Variants in APOOL observed in about 807,000 individuals in gnomAD.
APOOL encodes MICOS complex subunit MIC27.
In APOOL, 12 loss-of-function variants were observed where a neutral mutation model predicts 23.1. The ratio of observed to expected loss-of-function variants is 0.52; its 90% CI spans 0.33 to 0.84. APOOL has a LOEUF of 0.84. Among genes scored for constraint, APOOL ranks in the 40% least tolerant of loss-of-function variants. APOOL has a pLI of 0.02. For synonymous variants in APOOL, 77 were observed against 69.9 expected (o/e 1.10, Z -0.51); for missense variants, 212 against 199.6 (o/e 1.06, Z -0.37).
chrX:85,068,922 A>G (rs1180913022), intron 6 of APOOL, among the ~76,000 whole-genome samples: 1 of 111,818 alleles, frequency 8.9e-6, no homozygotes, highest in Non-Finnish European at 1.9e-5. Context: ...CTGATTATGA[A>G]TAGGCAGATA....
intron 2 of APOOL, among the ~76,000 whole-genome samples, chrX:85,046,933 A>G (rs1377915932): frequency 1.8e-5 from 2 of 111,441 alleles, no homozygotes; most frequent in African/African-American, 3.3e-5. Context: ...TTCTAGATCA[A>G]CCTTCTGTAT....
chrX:85,079,152 C>T (rs1391792960), intron 8 of APOOL, among the ~76,000 whole-genome samples: 1 of 111,746 alleles, frequency 8.9e-6, no homozygotes, highest in Non-Finnish European at 1.9e-5. Flanking sequence ...TGAGAGAGGG[C>T]ACCCCTGTCT....
At chrX:85,007,091 G>A (rs1283714323) in intron 1 of APOOL, among the ~76,000 whole-genome samples, 3 of 111,812 alleles carry the variant, frequency 2.7e-5, no homozygotes, top group Non-Finnish European at 5.6e-5. Flanking sequence ...TGGGTGGAAG[G>A]TCATCTGCTG....
At chrX:85,067,853 A>AT (rs1455571972) in intron 6 of APOOL, among the ~76,000 whole-genome samples, 1 of 110,853 alleles carries the variant, frequency 9.0e-6, no homozygotes, top group African/African-American at 3.3e-5. Flanking sequence ...TGGGTTATGC[A>AT]TTTTTTCCCC....
rs1924581948 is a variant in APOOL, at chrX:85,093,202, G to C, written c.*5524G>C. On this transcript the variant is annotated 3_prime_UTR_variant, in exon 9 of 9. Coordinates refer to ENST00000373173, the MANE Select transcript of APOOL (RefSeq NM_198450.6). ...ATACATACCTGACTTAGCCTCTTCA[G>C]CATTTCAGCTCCAATACCTAGGCCT... 2.6e-6 allele frequency: 3 copies of C among 1,163,158 alleles called. No individual in the cohort carries two copies. Among genetic ancestry groups the C allele is most frequent in the African/African-American group, 1.8e-5 (1 of 55,752 alleles).
intron 5 of APOOL, among the ~76,000 whole-genome samples, chrX:85,064,293 A>G (rs561088147): frequency 1.1e-5 from 1 of 93,076 alleles, no homozygotes; most frequent in African/African-American, 4.0e-5. Context: ...CTAGCAGTCT[A>G]TTTTATTGTT....
intron 6 of APOOL, among the ~76,000 whole-genome samples, chrX:85,067,619 G>A (rs1346285790): frequency 1.2e-5 from 1 of 84,130 alleles, no homozygotes; most frequent in Non-Finnish European, 2.2e-5. Context: ...AGTGGTTTCT[G>A]AAGGTAAAAC....
At position 85,074,019 on chromosome X, in the gene APOOL, G is replaced by A; in HGVS notation, c.508G>A (p.Ala170Thr). 1 of 1,165,199 alleles carries A rather than the reference G, an allele frequency of 8.6e-7. No individual in the cohort carries two copies. Among genetic ancestry groups the A allele is most frequent in the Admixed American group, 2.6e-5 (1 of 38,114 alleles). Residue 170 changes from alanine to threonine, a missense_variant, in exon 7 of 9, where the codon GCT becomes ACT. Ala to Thr is a moderately conservative substitution (Grantham distance 58, BLOSUM62 0). Transcript: ENST00000373173. ...TTAGGTAACAGCAAAAAAGGTATAT[G>A]CTACAAGCCAGCAAATTTTTGGAGC... is the stretch of plus-strand genomic sequence containing the variant. ...IAKVTAKKVY[A>T]TSQQIFGAVK... is the part of the protein sequence containing the mutation.
Position 85,093,021 on chromosome X carries a change from A to G in APOOL, c.*5343A>G. 2.1e-6 allele frequency: 1 copy of G among 466,533 alleles called. No individual in the cohort carries two copies. Among genetic ancestry groups the G allele is most frequent in the Non-Finnish European group, 3.6e-6 (1 of 274,492 alleles). The allele number at this position is 466,533 out of a possible 1,213,427, so 38.4% of individuals were successfully genotyped here. On this transcript the variant is annotated 3_prime_UTR_variant, in exon 9 of 9. Transcript: ENST00000373173. The stretch of plus-strand genomic sequence containing the variant: ...TAATTGACTATAATTCATATACTGT[A>G]TATGATCATCTGATTTGAAAATCCA...
At chrX:85,076,693 C>A (rs779926071) in intron 8 of APOOL, among the ~76,000 whole-genome samples, 1 of 110,407 alleles carries the variant, frequency 9.1e-6, no homozygotes, top group Non-Finnish European at 1.9e-5. Context: ...TGAGCCTAGC[C>A]ATGGCTATAA....
chrX:85,067,627 AACACACACAC>A lies in APOOL; in HGVS notation c.486+440_486+449del, dbSNP rs758966009. Among the ~76,000 whole-genome samples, 582 of 90,389 alleles carry A rather than the reference AACACACACAC, an allele frequency of 6.4e-3. 5 individuals are homozygous for A. Among genetic ancestry groups the A allele is most frequent in the African/African-American group, 0.023 (548 of 24,149 alleles). The allele number at this position is 90,389 out of a possible 115,157, so 78.5% of individuals were successfully genotyped here. Reference sequence around the variant, plus strand: ...TGGTTTCAGTGGTTTCTGAAGGTAAAACACACACACACACACACACACACACACACACACA... The same window carrying A: ...TGGTTTCAGTGGTTTCTGAAGGTAAAACACACACACACACACACACACACA... On this transcript the variant is annotated intron_variant, in intron 6 of 8. Transcript: ENST00000373173.
chrX:85,051,632 C>G, intron 3 of APOOL, 124 bp downstream of exon 3: 4 of 908,288 alleles, frequency 4.4e-6, no homozygotes, highest in Non-Finnish European at 4.6e-6. Flanking sequence ...TATATTACAT[C>G]TTATGATTTT....
chrX:85,036,290 A>G (rs781136783), intron 1 of APOOL, among the ~76,000 whole-genome samples: 1 of 111,777 alleles, frequency 8.9e-6, no homozygotes, highest in East Asian at 2.8e-4. Context: ...GATGTTGATA[A>G]TTTATAGAAA....
rs190549649 is a variant in APOOL at position 85,005,059 on chromosome X, C to G, written c.15+1132C>G. Among the ~76,000 whole-genome samples, 166 of 111,525 alleles carry G rather than the reference C, an allele frequency of 1.5e-3. No individual in the cohort carries two copies. The Middle Eastern group carries it at 0.037, about 25-fold the overall frequency. ...TATAGTTCATTCATTCATTCAGCAG[C>G]TATTTGTGTACAGCCTCCCCATATG... On this transcript the variant is annotated intron_variant, in intron 1 of 8. Transcript: ENST00000373173.
intron 5 of APOOL, among the ~76,000 whole-genome samples, chrX:85,056,354 T>C (rs945760148): frequency 9.0e-6 from 1 of 111,621 alleles, no homozygotes; most frequent in African/African-American, 3.3e-5. Flanking sequence ...TCTCAAGAAA[T>C]TTTTTCAGTA....
chrX:85,053,464 C>A (rs1922848878), intron 3 of APOOL, among the ~76,000 whole-genome samples: 1 of 111,513 alleles, frequency 9.0e-6, no homozygotes, highest in Non-Finnish European at 1.9e-5. Flanking sequence ...AAACTTATTT[C>A]TTCCCTGTCC....
At position 85,025,987 on chromosome X, in the gene APOOL, C is replaced by T. The variant is rs188489927; in HGVS notation, c.16-20459C>T. 6.0e-3 allele frequency among the ~76,000 whole-genome samples: 677 copies of T among 113,315 alleles called. 4 individuals are homozygous for T. Among genetic ancestry groups the T allele is most frequent in the African/African-American group, 0.021 (642 of 31,277 alleles). ...AGTGTGTGGGGGCTCCAACCCTTGG[C>T]ACTGCCATAGTAGAGGTTCTCTGTG... On this transcript the variant is annotated intron_variant, in intron 1 of 8. Coordinates refer to ENST00000373173, the MANE Select transcript of APOOL (RefSeq NM_198450.6).
intron 1 of APOOL, among the ~76,000 whole-genome samples, chrX:85,020,635 G>A (rs1222859593): frequency 9.0e-6 from 1 of 111,355 alleles, no homozygotes; most frequent in African/African-American, 3.3e-5. Context: ...AGGACCCTCA[G>A]GTTCTGGACT....
At chrX:85,077,060 CGTA>C (rs1482277692) in intron 8 of APOOL, among the ~76,000 whole-genome samples, 2 of 65,005 alleles carry the variant, frequency 3.1e-5, no homozygotes, top group African/African-American at 8.3e-5. Context: ...TGTATATACA[CGTA>C]TATATATATA....
Sources: allele counts gnomAD v4.1 joint callset (sites outside exome capture counted in the v4.1 genomes callset), GRCh38; gene constraint gnomAD v4.1.1; transcripts MANE v1.5; gene names NCBI Gene and HGNC (gene_info 2026-07-23, HGNC 2026-07-21).